Variants in SYNGR1 observed in about 807,000 individuals in gnomAD.
The protein encoded by SYNGR1 is synaptogyrin 1, also known as synaptogyrin-1.
A neutral mutation model predicts 26.1 loss-of-function variants in SYNGR1; 14 were observed. The ratio of observed to expected loss-of-function variants is 0.54; its 90% CI spans 0.35 to 0.84. The LOEUF (loss-of-function observed/expected upper bound fraction) is 0.84. SYNGR1 is among the 40% of genes least tolerant of loss of function. The pLI is 0.01. For synonymous variants in SYNGR1, 141 were observed against 150.1 expected (o/e 0.94, Z 0.44); for missense variants, 319 against 332.9 (o/e 0.96, Z 0.33).
chr22:39,380,438 C>T (rs1007699243), intron 3 of SYNGR1, among the ~76,000 whole-genome samples: 5 of 151,932 alleles, frequency 3.3e-5, no homozygotes, highest in Admixed American at 2.6e-4. Flanking sequence ...GGGTCTCACT[C>T]TGTTGCCCAG....
At chr22:39,359,850 T>A (rs898333050) in intron 1 of SYNGR1, among the ~76,000 whole-genome samples, 4 of 151,956 alleles carry the variant, frequency 2.6e-5, no homozygotes, top group Non-Finnish European at 5.9e-5. Context: ...CAGTAGCCTC[T>A]CGCACTCCCT....
intron 1 of SYNGR1, among the ~76,000 whole-genome samples, chr22:39,370,724 TCTC>T (rs1373385332): frequency 2.0e-5 from 3 of 151,706 alleles, no homozygotes; most frequent in Non-Finnish European, 4.4e-5. Context: ...TTCAAGCCAT[TCTC>T]CTGTCACAGG....
intron 3 of SYNGR1, among the ~76,000 whole-genome samples, chr22:39,379,451 T>C (rs991843357): frequency 2.0e-5 from 3 of 152,134 alleles, no homozygotes; most frequent in Non-Finnish European, 4.4e-5. Flanking sequence ...CTGGCCAACA[T>C]GGCAAAACCC....
Position 39,376,200 on chromosome 22 carries a change from G to A in SYNGR1, c.483+3G>A, listed in dbSNP as rs774753153. ...CCTTTTTCTCCATCTTCACCTGGGT[G>A]AGTACAGCCACCGCGCACCAGCCCA... is the stretch of plus-strand genomic sequence containing the variant. On this transcript the variant is annotated splice_donor_region_variant and intron_variant, in intron 3 of 3. Transcript: ENST00000328933. 7 of 1,613,946 alleles carry A rather than the reference G, an allele frequency of 4.3e-6. 1 individual carries two copies. The Admixed American group carries it at 1.2e-4, about 27-fold the overall frequency.
intron 1 of SYNGR1, among the ~76,000 whole-genome samples, chr22:39,373,166 CATAG>C (rs1001689696): frequency 2.1e-5 from 3 of 140,436 alleles, no homozygotes; most frequent in South Asian, 2.2e-4. Flanking sequence ...CACACACACA[CATAG>C]ATAGATTTTT....
intron 1 of SYNGR1, among the ~76,000 whole-genome samples, chr22:39,361,659 C>CAT (rs1282449106): frequency 6.6e-6 from 1 of 152,042 alleles, no homozygotes; most frequent in African/African-American, 2.4e-5. Context: ...CACGCCCGGC[C>CAT]AATCCTGCCC....
intron 1 of SYNGR1, among the ~76,000 whole-genome samples, chr22:39,352,481 G>A (rs2145603301): frequency 6.6e-6 from 1 of 152,322 alleles, no homozygotes; most frequent in Admixed American, 6.5e-5. Context: ...TACCACAACA[G>A]AAAAAGTTTG....
chr22:39,351,709 A>C (rs1361069981), intron 1 of SYNGR1, among the ~76,000 whole-genome samples: 1 of 152,202 alleles, frequency 6.6e-6, no homozygotes, highest in Non-Finnish European at 1.5e-5. Context: ...TTCATTTAGC[A>C]AAGCTTTATT....
At chr22:39,362,185 G>C (rs1924507795) in intron 1 of SYNGR1, among the ~76,000 whole-genome samples, 1 of 152,064 alleles carries the variant, frequency 6.6e-6, no homozygotes, top group African/African-American at 2.4e-5. Flanking sequence ...AGGCCCCCTT[G>C]AGGTTACTCA....
At chr22:39,368,718 C>G (rs896503197) in intron 1 of SYNGR1, among the ~76,000 whole-genome samples, 18 of 152,218 alleles carry the variant, frequency 1.2e-4, no homozygotes, top group African/African-American at 4.3e-4. Context: ...CCCACCTCCT[C>G]TCTGTCTTCA....
Position 39,381,871 on chromosome 22 carries a change from C to G in SYNGR1, c.659C>G (p.Thr220Ser). The G allele has an allele frequency of 6.2e-7, 1 of 1,612,908 alleles. No homozygotes were observed. The highest frequency in any genetic ancestry group is 1.1e-5 in the South Asian group (1 of 91,070). ...MGGTYQQPANTFDTEPQGYQS... is the reference protein window; with the variant it reads ...MGGTYQQPANSFDTEPQGYQS... The stretch of plus-strand genomic sequence containing the variant: ...GGCACCTACCAGCAGCCGGCCAACA[C>G]CTTCGACACCGAGCCCCAGGGCTAC... The change falls in exon 4 of 4, where the codon ACC becomes AGC. Residue 220 changes from threonine to serine, a missense_variant. Coordinates refer to ENST00000328933, the MANE Select transcript of SYNGR1 (RefSeq NM_004711.5).
chr22:39,384,500 G>A lies in SYNGR1; in HGVS notation c.*2586G>A, dbSNP rs545176527. The A allele has an allele frequency of 4.6e-4, 183 of 398,836 alleles. No homozygotes were observed. The East Asian group carries it at 6.4e-3, about 14-fold the overall frequency. The allele number at this position is 398,836 out of a possible 1,614,324, so 24.7% of individuals were successfully genotyped here. A position where few individuals can be genotyped will look rare whatever the true frequency, so the allele number is the denominator to read the frequency against. ...CTCTGGCAGGGACCTGCCCAGGATGGAGATGAGAGAGGGTGAGAGATGGAG... is the reference window on the plus strand; with the variant it reads ...CTCTGGCAGGGACCTGCCCAGGATGAAGATGAGAGAGGGTGAGAGATGGAG... On this transcript the variant is annotated 3_prime_UTR_variant, in exon 4 of 4. Coordinates refer to ENST00000328933, the MANE Select transcript of SYNGR1 (RefSeq NM_004711.5).
chr22:39,363,684 C>T (rs1183352752), intron 1 of SYNGR1, among the ~76,000 whole-genome samples: 1 of 151,990 alleles, frequency 6.6e-6, no homozygotes. Context: ...TGGGTGATAT[C>T]CCCCTGGCTG....
At chr22:39,353,142 G>A (rs555906863) in intron 1 of SYNGR1, among the ~76,000 whole-genome samples, 2 of 152,238 alleles carry the variant, frequency 1.3e-5, no homozygotes, top group Admixed American at 6.5e-5. Flanking sequence ...GATTACAGGC[G>A]TGAGCCACCG....
At position 39,384,825 on chromosome 22, in the gene SYNGR1, G is replaced by A. The variant is rs542912322; in HGVS notation, c.*2911G>A. The A allele has an allele frequency of 2.5e-4, 101 of 398,800 alleles. No individual in the cohort carries two copies. Among genetic ancestry groups the A allele is most frequent in the African/African-American group, 2.0e-3 (97 of 48,564 alleles). The allele number at this position is 398,800 out of a possible 1,614,324, so 24.7% of individuals were successfully genotyped here. On this transcript the variant is annotated 3_prime_UTR_variant, in exon 4 of 4. Transcript: ENST00000328933. ...TAGAGTCGCAAGGACGCTTAGAGTC[G>A]GCAGAGTCTGGGGTAGGGAGACAGC...
chr22:39,352,648 C>T (rs1481837629), intron 1 of SYNGR1, among the ~76,000 whole-genome samples: 1 of 152,168 alleles, frequency 6.6e-6, no homozygotes, highest in East Asian at 1.9e-4. Flanking sequence ...TCTTGGCCCT[C>T]ACACCACAGG....
At chr22:39,377,776 G>C in intron 3 of SYNGR1, 1 of 1,561,822 alleles carries the variant, frequency 6.4e-7, no homozygotes, top group Non-Finnish European at 8.6e-7. Context: ...AAATGTCCAA[G>C]ATGCCAGGGC....
At chr22:39,376,446 C>T (rs1457640351) in intron 3 of SYNGR1, among the ~76,000 whole-genome samples, 1 of 130,444 alleles carries the variant, frequency 7.7e-6, no homozygotes, top group East Asian at 2.5e-4. Context: ...GAGCAGCCTT[C>T]CTGGGGGTCA....
Position 39,350,700 on chromosome 22 carries a change from C to A in SYNGR1, c.99+591C>A, listed in dbSNP as rs1014378738. Reference sequence around the variant, plus strand: ...TGCGTGACCTTGGGCTGGGAGCCACCCAGGAAATGTTCTCGAGAAATGAGG... The same window carrying A: ...TGCGTGACCTTGGGCTGGGAGCCACACAGGAAATGTTCTCGAGAAATGAGG... On this transcript the variant is annotated intron_variant, in intron 1 of 3. Transcript: ENST00000328933. The surrounding 1 kb of genome is among the most constrained non-coding windows in gnomAD (Gnocchi z 4.3). Among the ~76,000 whole-genome samples, 2 of 152,148 alleles carry A rather than the reference C, an allele frequency of 1.3e-5. No homozygotes were observed. The highest frequency in any genetic ancestry group is 1.3e-4 in the Admixed American group (2 of 15,282).
Sources: allele counts gnomAD v4.1 joint callset (sites outside exome capture counted in the v4.1 genomes callset), GRCh38; gene constraint gnomAD v4.1.1; non-coding constraint Gnocchi (gnomAD v3.1); transcripts MANE v1.5; gene names NCBI Gene and HGNC (gene_info 2026-07-23, HGNC 2026-07-21).